MAP4K4: variants seen among roughly 807,000 people sequenced by gnomAD.
The protein encoded by MAP4K4 is mitogen-activated protein kinase kinase kinase kinase 4.
MAP4K4 carries 38 observed loss-of-function variants against 189.6 expected under a neutral mutation model. The ratio of observed to expected loss-of-function variants is 0.20; its 90% CI spans 0.15 to 0.26. The LOEUF is 0.26. Among genes scored for constraint, MAP4K4 ranks in the 10% least tolerant of loss-of-function variants. MAP4K4 has a pLI of 1.00. For synonymous variants in MAP4K4, 610 were observed against 624.3 expected (o/e 0.98, Z 0.34); for missense variants, 1,054 against 1,726.9 (o/e 0.61, Z 6.91).
At chr2:101,793,649 C>A (rs2093307602) in intron 3 of MAP4K4, among the ~76,000 whole-genome samples, 1 of 146,516 alleles carries the variant, frequency 6.8e-6, no homozygotes, top group African/African-American at 2.6e-5. Context: ...TGGGAAAAAT[C>A]ACAGATTGGT....
chr2:101,765,764 A>G (rs1317847937), intron 2 of MAP4K4, among the ~76,000 whole-genome samples: 1 of 152,218 alleles, frequency 6.6e-6, no homozygotes, highest in African/African-American at 2.4e-5. Context: ...GATATTCATT[A>G]TATTTGGGAA....
chr2:101,843,628 G>A (rs927915259), intron 11 of MAP4K4, among the ~76,000 whole-genome samples: 11 of 152,106 alleles, frequency 7.2e-5, no homozygotes, highest in South Asian at 2.1e-4. Context: ...TAATTCGTAG[G>A]ACCCGCTTGG....
chr2:101,700,017 C>G (rs1441677523), intron 2 of MAP4K4, among the ~76,000 whole-genome samples: 8 of 152,094 alleles, frequency 5.3e-5, no homozygotes, highest in Non-Finnish European at 8.8e-5. Flanking sequence ...CATTTTTTTT[C>G]TAACCCAGTT....
intron 2 of MAP4K4, among the ~76,000 whole-genome samples, chr2:101,698,839 T>C (rs986653068): frequency 6.6e-6 from 1 of 152,124 alleles, no homozygotes; most frequent in African/African-American, 2.4e-5. Flanking sequence ...GAATTTTTTC[T>C]TTTTTTCCCC....
At chr2:101,737,449 ATATATATATATATTTTTTTTTTT>A (rs1558651966) in intron 2 of MAP4K4, among the ~76,000 whole-genome samples, 1 of 33,496 alleles carries the variant, frequency 3.0e-5, no homozygotes, top group African/African-American at 1.8e-4. Flanking sequence ...ATATATATAT[ATATATATATATATTTTTTTTTTT>A]TTTTTTTTTT....
intron 7 of MAP4K4, 142 bp downstream of exon 7, chr2:101,831,993 A>T: frequency 1.1e-6 from 1 of 902,500 alleles, no homozygotes; most frequent in Non-Finnish European, 1.7e-6. Context: ...GCAGGTGCAA[A>T]TTTTCCAGGA....
At chr2:101,832,618 G>T in intron 7 of MAP4K4, among the ~76,000 whole-genome samples, 1 of 152,046 alleles carries the variant, frequency 6.6e-6, no homozygotes, top group East Asian at 1.9e-4. Flanking sequence ...TCTTTACTGT[G>T]TCATTACTTG....
intron 27 of MAP4K4, among the ~76,000 whole-genome samples, chr2:101,879,497 G>T (rs1264959102): frequency 1.3e-5 from 2 of 152,050 alleles, no homozygotes; most frequent in African/African-American, 4.8e-5. Flanking sequence ...ATATAAAACT[G>T]TGTGGTCTTT....
chr2:101,728,151 T>C (rs1233209285), intron 2 of MAP4K4, among the ~76,000 whole-genome samples: 1 of 152,228 alleles, frequency 6.6e-6, no homozygotes, highest in Non-Finnish European at 1.5e-5. Flanking sequence ...TAGAATGCTC[T>C]TGAAGCGTGG....
chr2:101,885,831 C>T (rs1184076042), intron 29 of MAP4K4, among the ~76,000 whole-genome samples: 1 of 152,080 alleles, frequency 6.6e-6, no homozygotes, highest in Non-Finnish European at 1.5e-5. Flanking sequence ...GATGTTTTTG[C>T]CATTTTGCAT....
rs1294302856 is a variant in MAP4K4 at position 101,749,191 on chromosome 2, T to C, written c.124-41529T>C. On this transcript the variant is annotated intron_variant, in intron 2 of 32. Transcript: ENST00000324219. ...GTTCATATGGAACCAAAAAAGAGCC[T>C]GCATTGCCAAGTCAATCCTAAGCCA... Among the ~76,000 whole-genome samples, 8 of 151,684 alleles carry C rather than the reference T, an allele frequency of 5.3e-5. No individual in the cohort carries two copies. In the East Asian group the frequency reaches 7.7e-4, roughly 15 times the overall value.
intron 10 of MAP4K4, among the ~76,000 whole-genome samples, chr2:101,841,491 A>T (rs1443152450): frequency 2.0e-5 from 3 of 150,934 alleles, no homozygotes; most frequent in Admixed American, 1.3e-4. Flanking sequence ...TTGGAGACAG[A>T]GTCTTGCTGC....
chr2:101,808,796 C>G (rs2149108274), intron 3 of MAP4K4, among the ~76,000 whole-genome samples: 1 of 151,100 alleles, frequency 6.6e-6, no homozygotes, highest in South Asian at 2.1e-4. Flanking sequence ...TTTTTAGTTT[C>G]ATTGTGTGTG....
intron 3 of MAP4K4, among the ~76,000 whole-genome samples, chr2:101,793,021 C>T (rs770574873): frequency 7.9e-5 from 12 of 152,178 alleles, no homozygotes; most frequent in East Asian, 1.9e-4. Context: ...AAATACATAC[C>T]GATATGTGTA....
At chr2:101,700,852 AG>A (rs571445264) in intron 2 of MAP4K4, among the ~76,000 whole-genome samples, 69 of 151,980 alleles carry the variant, frequency 4.5e-4, no homozygotes, top group South Asian at 2.1e-3. Flanking sequence ...CAATCTTAGA[AG>A]TGGTGAAAAT....
At chr2:101,704,565 ATATTTT>A (rs2041106703) in intron 2 of MAP4K4, among the ~76,000 whole-genome samples, 20 of 40,344 alleles carry the variant, frequency 5.0e-4, no homozygotes, top group Admixed American at 6.9e-4. Flanking sequence ...ATATATATAT[ATATTTT>A]TTTTTTTTTT....
intron 3 of MAP4K4, among the ~76,000 whole-genome samples, chr2:101,821,095 A>G (rs2096024423): frequency 6.6e-6 from 1 of 152,056 alleles, no homozygotes. Flanking sequence ...AGTATTGAGT[A>G]CCTAATTTTT....
At chr2:101,803,952 A>G (rs1016537036) in intron 3 of MAP4K4, among the ~76,000 whole-genome samples, 1 of 152,182 alleles carries the variant, frequency 6.6e-6, no homozygotes, top group Non-Finnish European at 1.5e-5. Context: ...GGAGCCAGCT[A>G]GTTGATGGGC....
intron 2 of MAP4K4, among the ~76,000 whole-genome samples, chr2:101,744,988 T>A (rs1184760851): frequency 2.0e-5 from 3 of 152,166 alleles, no homozygotes; most frequent in Non-Finnish European, 2.9e-5. Flanking sequence ...AAATTTTAAT[T>A]TCACTTTGTT....
Sources: gnomAD v4.1 joint callset for allele counts (sites outside exome capture counted in the v4.1 genomes callset) on GRCh38, gnomAD v4.1.1 for gene constraint, MANE v1.5 for transcripts, NCBI Gene and HGNC (gene_info 2026-07-23, HGNC 2026-07-21) for gene names.